The following MOV10L1 variants were observed in gnomAD, a reference collection of about 807,000 sequenced individuals.
MOV10L1 encodes the protein RNA helicase Mov10l1.
In MOV10L1, 110 loss-of-function variants were observed where a neutral mutation model predicts 143.8. That is an observed-to-expected ratio of 0.76 (90% CI 0.66 to 0.90). The LOEUF (loss-of-function observed/expected upper bound fraction) is 0.90. Among genes scored for constraint, MOV10L1 ranks in the 40% least tolerant of loss-of-function variants. MOV10L1 has a pLI of 0.00. For missense variants in MOV10L1, 1,406 were observed against 1,526.8 expected, an observed-to-expected ratio of 0.92 and a Z score of 1.32; for synonymous variants, 593 against 581.1, an observed-to-expected ratio of 1.02 and a Z score of -0.29.
chr22:50,156,822 T>C (rs1010677473), intron 22 of MOV10L1, among the ~76,000 whole-genome samples: 1 of 152,218 alleles, frequency 6.6e-6, no homozygotes, highest in Non-Finnish European at 1.5e-5. Context: ...GTAGTGCTGC[T>C]ACAACGGGTG....
intron 22 of MOV10L1, among the ~76,000 whole-genome samples, chr22:50,155,188 A>G (rs565516942): frequency 1.1e-4 from 16 of 151,838 alleles, no homozygotes; most frequent in Non-Finnish European, 1.9e-4. Context: ...GAGTAAGTTA[A>G]TGGTTTAACA....
chr22:50,096,693 G>T (rs2147024059), intron 2 of MOV10L1, among the ~76,000 whole-genome samples: 1 of 152,096 alleles, frequency 6.6e-6, no homozygotes, highest in African/African-American at 2.4e-5. Flanking sequence ...TAGTTGTGAG[G>T]TAGTATCTCA....
At chr22:50,116,425 T>C (rs375031220) in intron 8 of MOV10L1, among the ~76,000 whole-genome samples, 18 of 138,772 alleles carry the variant, frequency 1.3e-4, no homozygotes, top group African/African-American at 4.8e-4. Context: ...CCAGGCTGGG[T>C]GACAGAGCGA....
intron 5 of MOV10L1, among the ~76,000 whole-genome samples, chr22:50,110,088 G>A (rs560870641): frequency 7.2e-5 from 11 of 152,094 alleles, no homozygotes; most frequent in Non-Finnish European, 1.6e-4. Flanking sequence ...GGCAGAGGTT[G>A]CAGTGAGGCG....
Position 50,099,556 on chromosome 22 carries a change from C to T in MOV10L1, c.396C>T (p.Gly132=), listed in dbSNP as rs751867186. ...GCVTSLVEGA[G]CISQTTYFSL... ...TGACTTCCCTGGTGGAGGGCGCAGG[C>T]TGTATCAGTCAGACCACCTACTTCT... The change falls in exon 3 of 27, where the codon GGC becomes GGT. Residue 132 remains glycine (G), a synonymous_variant. Coordinates refer to ENST00000262794, the MANE Select transcript of MOV10L1 (RefSeq NM_018995.3). 6 of 1,614,208 alleles carry T rather than the reference C, an allele frequency of 3.7e-6. No homozygotes were observed. Among genetic ancestry groups the T allele is most frequent in the Non-Finnish European group, 5.1e-6 (6 of 1,180,002 alleles).
At chr22:50,121,461 C>T (rs570657312) in intron 10 of MOV10L1, among the ~76,000 whole-genome samples, 7 of 151,518 alleles carry the variant, frequency 4.6e-5, no homozygotes, top group African/African-American at 1.7e-4. Context: ...GCACTGGGAG[C>T]CCAAACTTAT....
chr22:50,125,599 G>A (rs1424187908), intron 11 of MOV10L1, 30 bp downstream of exon 11: 2 of 1,602,198 alleles, frequency 1.2e-6, no homozygotes, highest in Admixed American at 1.7e-5. Flanking sequence ...GCTTCCCTGG[G>A]TGGACTAGCA....
chr22:50,105,454 C>T (rs2061844154), intron 3 of MOV10L1, among the ~76,000 whole-genome samples: 1 of 152,146 alleles, frequency 6.6e-6, no homozygotes, highest in African/African-American at 2.4e-5. Context: ...ATTCTCAAGT[C>T]CAGTCTTAGA....
At chr22:50,112,883 A>G (rs4838803) in intron 5 of MOV10L1, among the ~76,000 whole-genome samples, 34,177 of 151,944 alleles carry the variant, frequency 0.22, 4,202 homozygotes, top group Admixed American at 0.35. Flanking sequence ...CTGCCCCTGT[A>G]CCTCCCTTGT....
At chr22:50,126,131 A>T in intron 11 of MOV10L1, 71 bp from the exon 12 acceptor site, 1 of 1,132,634 alleles carries the variant, frequency 8.8e-7, no homozygotes, top group Non-Finnish European at 1.3e-6. Context: ...TCAGTGTTGG[A>T]TTTTATAGGA....
chr22:50,150,659 C>T, intron 20 of MOV10L1, 76 bp from the exon 21 acceptor site: 2 of 1,523,648 alleles, frequency 1.3e-6, no homozygotes, highest in Non-Finnish European at 1.8e-6. Context: ...TGCGCACAGC[C>T]CCATTCCCAC....
chr22:50,128,481 T>G lies in MOV10L1; in HGVS notation c.1884T>G (p.Pro628=). 6.5e-7 allele frequency: 1 copy of G among 1,545,960 alleles called. No individual in the cohort carries two copies. The highest frequency in any genetic ancestry group is 8.9e-7 in the Non-Finnish European group (1 of 1,124,390). The change falls in exon 13 of 27, where the codon CCT becomes CCG. Residue 628 remains proline, a synonymous_variant. Transcript: ENST00000262794. ...PEFEQAYNFE[P]MDVEFTYNRT... is the part of the protein sequence containing the mutation. ...TTGAACAAGCCTATAACTTTGAACC[T>G]ATGGATGTGGAATTTACATATAATA... is the stretch of plus-strand genomic sequence containing the variant.
intron 5 of MOV10L1, among the ~76,000 whole-genome samples, chr22:50,113,120 T>C (rs1182647448): frequency 2.0e-5 from 3 of 152,144 alleles, no homozygotes; most frequent in Non-Finnish European, 4.4e-5. Flanking sequence ...GCCTGTAGCA[T>C]CAGTAGAAGA....
chr22:50,137,701 T>C (rs1402096779), intron 15 of MOV10L1, among the ~76,000 whole-genome samples: 1 of 149,778 alleles, frequency 6.7e-6, no homozygotes, highest in Middle Eastern at 3.3e-3. Flanking sequence ...CAAGACTCTG[T>C]CTCAAAAAAT....
chr22:50,129,178 G>T (rs13055150), intron 13 of MOV10L1, among the ~76,000 whole-genome samples: 34,160 of 151,834 alleles, frequency 0.22, 4,153 homozygotes, highest in Admixed American at 0.35. Flanking sequence ...ATTTGCATGT[G>T]TATTCTTTCC....
chr22:50,104,232 C>CT (rs2061815057), intron 3 of MOV10L1, among the ~76,000 whole-genome samples: 1 of 152,200 alleles, frequency 6.6e-6, no homozygotes, highest in African/African-American at 2.4e-5. Flanking sequence ...ATAGATGAAA[C>CT]TTTGCTTGTT....
intron 9 of MOV10L1, among the ~76,000 whole-genome samples, chr22:50,117,963 A>G (rs911957795): frequency 2.0e-5 from 3 of 152,134 alleles, no homozygotes; most frequent in Non-Finnish European, 4.4e-5. Context: ...TTAAAGTGTA[A>G]TGACTTAGTC....
rs2147222273 is a variant in MOV10L1, at chr22:50,125,438, G to A, written c.1616G>A (p.Trp539Ter). Residue 539 changes from tryptophan to a stop codon, truncating the protein, a stop_gained, in exon 11 of 27, where the codon TGG becomes TAG. Transcript: ENST00000262794. LOFTEE classifies it high-confidence loss of function. ...NYKEKFSTLL[W>*]LEEIYAEMEL... ...AAGGAGAAGTTTTCGACTTTGCTGT[G>A]GCTTGAGGAGATTTATGCAGAAATG... is the stretch of plus-strand genomic sequence containing the variant. 6.2e-7 allele frequency: 1 copy of A among 1,614,230 alleles called. No individual in the cohort carries two copies. The highest frequency in any genetic ancestry group is 8.5e-7 in the Non-Finnish European group (1 of 1,180,036).
chr22:50,151,143 A>G (rs149240375), intron 21 of MOV10L1, among the ~76,000 whole-genome samples: 19 of 152,378 alleles, frequency 1.2e-4, no homozygotes, highest in Non-Finnish European at 2.4e-4. Flanking sequence ...CGTTAAGAAA[A>G]GCAAGAAATA....
Sources: allele counts gnomAD v4.1 joint callset (sites outside exome capture counted in the v4.1 genomes callset), GRCh38; gene constraint gnomAD v4.1.1; transcripts MANE v1.5; gene names NCBI Gene and HGNC (gene_info 2026-07-23, HGNC 2026-07-21).